The following CTXND1 variants were observed in gnomAD, a reference collection of about 807,000 sequenced individuals.
CTXND1 encodes the protein cortexin domain-containing 1 protein.
rs1197266584 is a variant in CTXND1, at chr15:80,224,066, G to T, written c.-217-20326C>A. Among the ~76,000 whole-genome samples, 4 of 152,086 alleles carry T rather than the reference G, an allele frequency of 2.6e-5. No homozygotes were observed. The East Asian group carries it at 5.8e-4, about 22-fold the overall frequency. On this transcript the variant is annotated intron_variant, in intron 1 of 2. Transcript: ENST00000560778. ...ACACTCACTTTGGGAACCTTGAGCC[G>T]CCATGTCAAGAATCAGCTGCTCTGA...
rs543356765 is a variant in CTXND1, at chr15:80,232,917, A to G, written c.-218+19090T>C. The stretch of plus-strand genomic sequence containing the variant: ...TGGCTCCTGAACTACCAACAGTGTG[A>G]TATTAGACGAAAAATGCAACTTCCT... On this transcript the variant is annotated intron_variant, in intron 1 of 2. Transcript: ENST00000560778. Among the ~76,000 whole-genome samples the G allele has an allele frequency of 8.0e-5, 12 of 150,172 alleles. No individual in the cohort carries two copies. The East Asian group carries it at 2.3e-3, about 29-fold the overall frequency.
chr15:80,214,196 G>C (rs1893229521), intron 1 of CTXND1, among the ~76,000 whole-genome samples: 1 of 151,900 alleles, frequency 6.6e-6, no homozygotes, highest in Non-Finnish European at 1.5e-5. Flanking sequence ...TCACATTATT[G>C]GATAATGTCA....
At chr15:80,225,800 CAT>C (rs1893365320) in intron 1 of CTXND1, among the ~76,000 whole-genome samples, 1 of 152,132 alleles carries the variant, frequency 6.6e-6, no homozygotes, top group Non-Finnish European at 1.5e-5. Context: ...CCTTCATTGC[CAT>C]TTTTAAATTA....
chr15:80,231,431 G>A (rs991277557), intron 1 of CTXND1, among the ~76,000 whole-genome samples: 1 of 151,696 alleles, frequency 6.6e-6, no homozygotes, highest in Non-Finnish European at 1.5e-5. Context: ...AACTTCTCCT[G>A]TGTCAACTTC....
At chr15:80,227,519 C>T (rs983308572) in intron 1 of CTXND1, among the ~76,000 whole-genome samples, 2 of 145,452 alleles carry the variant, frequency 1.4e-5, no homozygotes, top group Non-Finnish European at 3.1e-5. Context: ...ATTGTGGGTT[C>T]GGTTCTAGAC....
chr15:80,248,775 G>T (rs914252684), intron 1 of CTXND1, among the ~76,000 whole-genome samples: 1 of 152,134 alleles, frequency 6.6e-6, no homozygotes, highest in African/African-American at 2.4e-5. Flanking sequence ...AATAATATCA[G>T]CCTCTAAATA....
At chr15:80,223,604 G>T (rs1038933765) in intron 1 of CTXND1, among the ~76,000 whole-genome samples, 2 of 152,046 alleles carry the variant, frequency 1.3e-5, no homozygotes, top group African/African-American at 4.8e-5. Flanking sequence ...GACTGTATAG[G>T]TGTATGTTTA....
At chr15:80,228,158 T>G (rs542330564) in intron 1 of CTXND1, among the ~76,000 whole-genome samples, 1 of 152,364 alleles carries the variant, frequency 6.6e-6, no homozygotes, top group South Asian at 2.1e-4. Context: ...ATCTTCAGGC[T>G]CTACTTCTAA....
At chr15:80,209,119 C>T (rs1428753977) in intron 1 of CTXND1, among the ~76,000 whole-genome samples, 1 of 152,132 alleles carries the variant, frequency 6.6e-6, no homozygotes, top group African/African-American at 2.4e-5. Flanking sequence ...GGGATTGGGT[C>T]CTATAACCTG....
chr15:80,246,503 A>G (rs1893631579), intron 1 of CTXND1, among the ~76,000 whole-genome samples: 1 of 152,250 alleles, frequency 6.6e-6, no homozygotes, highest in African/African-American at 2.4e-5. Context: ...CGACTGCGTC[A>G]TGACATTGGA....
At chr15:80,251,882 T>G (rs1278358657) in intron 1 of CTXND1, 125 bp downstream of exon 1, 1 of 151,978 alleles carries the variant, frequency 6.6e-6, no homozygotes, top group East Asian at 1.9e-4. Flanking sequence ...CGGCCCGACT[T>G]CAGCGAGCAG....
intron 1 of CTXND1, 69 bp downstream of exon 1, chr15:80,251,938 C>T (rs1436445266): frequency 6.6e-6 from 1 of 151,872 alleles, no homozygotes; most frequent in African/African-American, 2.4e-5. Flanking sequence ...CCGGCGGCAC[C>T]GACAATGCTG....
chr15:80,247,578 C>A (rs184283265), intron 1 of CTXND1, among the ~76,000 whole-genome samples: 1 of 152,076 alleles, frequency 6.6e-6, no homozygotes, highest in Admixed American at 6.6e-5. Flanking sequence ...AATCCACCCT[C>A]CTCACACTAA....
At chr15:80,210,493 C>G (rs1301299233) in intron 1 of CTXND1, among the ~76,000 whole-genome samples, 1 of 152,116 alleles carries the variant, frequency 6.6e-6, no homozygotes, top group African/African-American at 2.4e-5. Flanking sequence ...CTTTTCTGTC[C>G]CACATCTTGA....
intron 1 of CTXND1, among the ~76,000 whole-genome samples, chr15:80,213,542 G>A (rs553580942): frequency 1.3e-5 from 2 of 152,302 alleles, no homozygotes; most frequent in East Asian, 3.9e-4. Context: ...AGAGGAGAAG[G>A]CAATGTGACC....
intron 1 of CTXND1, among the ~76,000 whole-genome samples, chr15:80,207,512 G>T (rs1204452404): frequency 6.6e-6 from 1 of 152,010 alleles, no homozygotes; most frequent in Non-Finnish European, 1.5e-5. Flanking sequence ...TAATTTTTTT[G>T]AAGTCCTTAT....
intron 1 of CTXND1, among the ~76,000 whole-genome samples, chr15:80,247,167 G>T (rs1274102716): frequency 6.6e-6 from 1 of 152,122 alleles, no homozygotes; most frequent in East Asian, 1.9e-4. Context: ...AGGTCCCCAT[G>T]CTCCCCTAGG....
chr15:80,198,550 G>A lies in CTXND1; in HGVS notation c.*3220C>T, dbSNP rs2041432001. 6.6e-6 allele frequency: 1 copy of A among 152,214 alleles called. No individual in the cohort carries two copies. 9.4% of individuals were successfully genotyped at this position (152,214 alleles called of 1,614,324 possible). On this transcript the variant is annotated 3_prime_UTR_variant, in exon 3 of 3. Transcript: ENST00000560778. ...GAGTTGAGACGCTCTGATCACAAAGGACCATCTCCTCTATGCTTCAGCAGC... is the reference window on the plus strand; with the variant it reads ...GAGTTGAGACGCTCTGATCACAAAGAACCATCTCCTCTATGCTTCAGCAGC...
intron 1 of CTXND1, among the ~76,000 whole-genome samples, chr15:80,240,316 T>C (rs886876613): frequency 5.3e-5 from 8 of 152,136 alleles, no homozygotes; most frequent in Non-Finnish European, 8.8e-5. Context: ...TTAGGACCCA[T>C]AAAACCTGAA....
Sources: gnomAD v4.1 joint callset for allele counts (sites outside exome capture counted in the v4.1 genomes callset) on GRCh38, gnomAD v4.1.1 for gene constraint, MANE v1.5 for transcripts, NCBI Gene and HGNC (gene_info 2026-07-23, HGNC 2026-07-21) for gene names.